The following MYO19 variants were observed in gnomAD, a reference collection of about 807,000 sequenced individuals.
MYO19 encodes myosin XIX.
Under a neutral mutation model 129.2 loss-of-function variants are expected in MYO19, and 132 were observed. That is an observed-to-expected ratio of 1.02 (90% confidence interval 0.89 to 1.18). MYO19 has a LOEUF of 1.18. Ranked by LOEUF, MYO19 falls within the 50% of genes most tolerant of loss-of-function variation. MYO19 has a pLI of 0.00. For missense variants in MYO19, 1,210 were observed against 1,216.7 expected (o/e 0.99, Z 0.08); for synonymous variants, 531 against 477.2 (o/e 1.11, Z -1.47).
In MYO19 at chr17:36,498,314, C is replaced by T. The variant is rs758074966; in HGVS notation, c.2709G>A (p.Gln903=). 1 of 1,613,986 alleles carries T rather than the reference C, an allele frequency of 6.2e-7. No homozygotes were observed. The highest frequency in any genetic ancestry group is 8.5e-7 in the Non-Finnish European group (1 of 1,179,906). Residue 903 remains glutamine (Q), a synonymous_variant, in exon 25 of 26, where the codon CAG becomes CAA. Transcript: ENST00000614623. ...PRGSPSSYTV[Q]TAQDQAGVTS... ...TGACACCAGCCTGGTCTTGTGCTGT[C>T]TGGACAGTGTAGCTACTGGGGCTGC...
chr17:36,536,049 A>G (rs558099871), upstream of MYO19, among the ~76,000 whole-genome samples: 14 of 152,342 alleles, frequency 9.2e-5, no homozygotes, highest in African/African-American at 3.4e-4. Flanking sequence ...CTCTAGGTTC[A>G]TGTTTAACCA....
intron 19 of MYO19, chr17:36,504,234 C>T (rs2071726902): frequency 4.0e-6 from 2 of 503,760 alleles, no homozygotes; most frequent in Non-Finnish European, 7.0e-6. Flanking sequence ...GGTCCCAAGT[C>T]CCCCTCATCC....
Position 36,532,621 on chromosome 17 carries a change from G to A in MYO19, c.-83C>T. 6.7e-7 allele frequency: 1 copy of A among 1,495,740 alleles called. No homozygotes were observed. Among genetic ancestry groups the A allele is most frequent in the East Asian group, 2.5e-5 (1 of 40,664 alleles). 92.7% of individuals were successfully genotyped at this position (1,495,740 alleles called of 1,614,324 possible). On this transcript the variant is annotated 5_prime_UTR_variant, in exon 3 of 26. Coordinates refer to ENST00000614623, the MANE Select transcript of MYO19 (RefSeq NM_001163735.2). The stretch of plus-strand genomic sequence containing the variant: ...CCACCTAGTCATGGGACCATGGGCT[G>A]GGGTATGGTTCCAACAAAGGGCTCA...
Position 36,506,408 on chromosome 17 carries a change from G to A in MYO19, c.1797+48C>T, listed in dbSNP as rs767614314. ...GCAGGTGCTCAATAAATATTTGTGA[G>A]ACCGTGGAGTTTGAACCAAGCACCT... On this transcript the variant is annotated intron_variant, in intron 18 of 25. Coordinates refer to ENST00000614623, the MANE Select transcript of MYO19 (RefSeq NM_001163735.2). The A allele has an allele frequency of 1.9e-6, 3 of 1,603,646 alleles. No individual in the cohort carries two copies. In the South Asian group the frequency reaches 3.3e-5, roughly 18 times the overall value.
intron 1 of MYO19, chr17:36,534,555 A>G (rs773713868): frequency 1.1e-4 from 16 of 152,162 alleles, no homozygotes; most frequent in Non-Finnish European, 2.2e-4. Context: ...ATCAAGAAAG[A>G]CTTGTTTCAA....
rs2072718434 is a variant in MYO19, at chr17:36,515,953, A to G, written c.452T>C (p.Val151Ala). Residue 151 changes from valine to alanine, a missense_variant, in exon 7 of 26, where the codon GTG (valine) becomes GCG (alanine). Physicochemically the swap from Val to Ala is moderately conservative, Grantham distance 64. Transcript: ENST00000614623. ...TSRCLMKFYA[V>A]VATSPASWES... ...CCAAGATGCAGGTGAGGTGGCCACC[A>G]CAGCATAGAACTTCATTAGGCAGCG... 6.2e-7 allele frequency: 1 copy of G among 1,613,566 alleles called. No homozygotes were observed. The highest frequency in any genetic ancestry group is 8.5e-7 in the Non-Finnish European group (1 of 1,179,678).
At chr17:36,511,616 T>C (rs540615969) in intron 11 of MYO19, among the ~76,000 whole-genome samples, 161 bp from the exon 12 acceptor site, 5 of 152,346 alleles carry the variant, frequency 3.3e-5, no homozygotes, top group Admixed American at 6.5e-5. Context: ...ACAAGTTACA[T>C]GCATCGCCTC....
chr17:36,498,971 C>T lies in MYO19; in HGVS notation c.2463+104G>A, dbSNP rs373816669. On this transcript the variant is annotated intron_variant, in intron 24 of 25. Coordinates refer to ENST00000614623, the MANE Select transcript of MYO19 (RefSeq NM_001163735.2). ...GCTCAGAGAGGCTAAACAACCTGCC[C>T]AAGGCCACCTGCATTGCAGTGGCAG... The T allele has an allele frequency of 1.7e-4, 158 of 934,140 alleles. 2 individuals are homozygous for T. The East Asian group carries it at 3.1e-3, about 18-fold the overall frequency. 57.9% of individuals were successfully genotyped at this position (934,140 alleles called of 1,614,324 possible).
chr17:36,520,456 C>A lies in MYO19; in HGVS notation c.415-4466G>T, dbSNP rs1567774095. ...ATGTCCTCTCTCTACTCCTAGGACA[C>A]CAATTACAAGTACAGTTGACCCTTG... On this transcript the variant is annotated intron_variant, in intron 6 of 25. Transcript: ENST00000614623. Among the ~76,000 whole-genome samples the A allele has an allele frequency of 2.0e-5, 3 of 152,144 alleles. No homozygotes were observed. The East Asian group carries it at 5.8e-4, about 29-fold the overall frequency.
At chr17:36,537,636 G>T, upstream of MYO19, 2 of 1,614,142 alleles carry the variant, frequency 1.2e-6, no homozygotes, top group Non-Finnish European at 8.5e-7. Flanking sequence ...TTTTGGGTCT[G>T]CAATGGTTTG....
At chr17:36,505,714 T>C (rs2071838216) in intron 18 of MYO19, among the ~76,000 whole-genome samples, 1 of 152,160 alleles carries the variant, frequency 6.6e-6, no homozygotes. Flanking sequence ...AGAGCAATCT[T>C]CTTAGAAAAG....
At chr17:36,504,482 A>G (rs1373247180) in intron 19 of MYO19, 2 of 158,076 alleles carry the variant, frequency 1.3e-5, no homozygotes, top group African/African-American at 4.8e-5. Flanking sequence ...TGTCCTGGCT[A>G]CAAACCGGAA....
In MYO19 at chr17:36,501,344, G is replaced by C. The variant is rs1251301105; in HGVS notation, c.2081-109C>G. On this transcript the variant is annotated intron_variant, in intron 21 of 25. Coordinates refer to ENST00000614623, the MANE Select transcript of MYO19 (RefSeq NM_001163735.2). ...GCACTCTACAGGTCTCTTTCCTGCT[G>C]TTCTTGGCTCTAGCCATTTTCTCCT... 7 of 1,178,066 alleles carry C rather than the reference G, an allele frequency of 5.9e-6. No individual in the cohort carries two copies. In the East Asian group the frequency reaches 1.3e-4, roughly 21 times the overall value. The allele number at this position is 1,178,066 out of a possible 1,614,324, so 73.0% of individuals were successfully genotyped here.
At chr17:36,537,007 G>C (rs1378387954), upstream of MYO19, 1 of 1,162,990 alleles carries the variant, frequency 8.6e-7, no homozygotes. Context: ...CTGAAATCTA[G>C]TAATAAGAGT....
At chr17:36,527,948 G>A in intron 4 of MYO19, 116 bp downstream of exon 4, 2 of 1,407,532 alleles carry the variant, frequency 1.4e-6, no homozygotes, top group Middle Eastern at 2.2e-4. Context: ...AGCCCACCTG[G>A]CTCCAGATCA....
At chr17:36,537,398 A>AAGG (rs1365727030), upstream of MYO19, 1 of 1,613,990 alleles carries the variant, frequency 6.2e-7, no homozygotes, top group South Asian at 1.1e-5. Flanking sequence ...AAATATACCG[A>AAGG]AGGAGGACCT....
chr17:36,530,475 G>C (rs1317268102), intron 3 of MYO19, among the ~76,000 whole-genome samples: 2 of 20,156 alleles, frequency 9.9e-5, no homozygotes, highest in Admixed American at 1.0e-3. Context: ...TTTTTTTTTT[G>C]AGACGGAGTT....
At position 36,515,976 on chromosome 17, in the gene MYO19, G is replaced by A. The variant is rs61745364; in HGVS notation, c.429C>T (p.Arg143=). The A allele has an allele frequency of 4.1e-3, 6,572 of 1,612,168 alleles. 218 individuals are homozygous for A. In the African/African-American group the frequency reaches 0.072, roughly 18 times the overall value. The change falls in exon 7 of 26, where the codon CGC becomes CGT. Residue 143 remains arginine (R), a synonymous_variant. Coordinates refer to ENST00000614623, the MANE Select transcript of MYO19 (RefSeq NM_001163735.2). ...CCACAGCATAGAACTTCATTAGGCA[G>A]CGAGACGTCCATGTCTGTGGCAGAA... ...ESGAGKTWTS[R]CLMKFYAVVA... is the part of the protein sequence containing the mutation.
At position 36,496,327 on chromosome 17, in the gene MYO19, G is replaced by GTAA; in HGVS notation, c.2834_2836dup (p.Ile945dup). ...TTCCAGCAGAATCTGATTAAAGCCTGTAATGCTGTAGGGTGAAGGTTCAGG... is the reference window on the plus strand; with the variant it reads ...TTCCAGCAGAATCTGATTAAAGCCTGTAATAATGCTGTAGGGTGAAGGTTCAGG... On this transcript the variant is annotated inframe_insertion, in exon 26 of 26. Transcript: ENST00000614623. The GTAA allele has an allele frequency of 3.7e-6, 6 of 1,614,006 alleles. No individual in the cohort carries two copies. The highest frequency in any genetic ancestry group is 5.1e-6 in the Non-Finnish European group (6 of 1,179,880).
Sources: gnomAD v4.1 joint callset for allele counts (sites outside exome capture counted in the v4.1 genomes callset) on GRCh38, gnomAD v4.1.1 for gene constraint, MANE v1.5 for transcripts, NCBI Gene and HGNC (gene_info 2026-07-23, HGNC 2026-07-21) for gene names.